TBC1D1: variants seen among roughly 807,000 people sequenced by gnomAD.
The protein encoded by TBC1D1 is TBC1 (tre-2/USP6, BUB2, cdc16) domain family, member 1.
TBC1D1 carries 89 observed loss-of-function variants against 125.6 expected under a neutral mutation model. That is an observed-to-expected ratio of 0.71 (90% CI 0.60 to 0.85). The LOEUF (loss-of-function observed/expected upper bound fraction) is 0.85, where lower values mean the gene tolerates loss of function less well. Ranked by LOEUF, TBC1D1 falls within the 40% of genes least tolerant of loss-of-function variation. The pLI, the probability that TBC1D1 is intolerant of heterozygous loss-of-function variation, is 0.00. For synonymous variants in TBC1D1, 565 were observed against 564.1 expected (o/e 1.00, Z -0.02); for missense variants, 1,377 against 1,469.2 (o/e 0.94, Z 1.03).
At chr4:38,101,472 C>T (rs550539885) in intron 14 of TBC1D1, among the ~76,000 whole-genome samples, 151 of 152,268 alleles carry the variant, frequency 9.9e-4, no homozygotes, top group African/African-American at 2.9e-3. Flanking sequence ...AAATAACATC[C>T]TTGACTTTAA....
chr4:38,108,644 C>T (rs1014400276), intron 15 of TBC1D1, among the ~76,000 whole-genome samples: 5 of 152,300 alleles, frequency 3.3e-5, no homozygotes, highest in Admixed American at 6.5e-5. Context: ...CCAGACTACA[C>T]GTGTGGGTCA....
chr4:37,918,416 C>A (rs1560475141), intron 2 of TBC1D1, among the ~76,000 whole-genome samples: 1 of 150,416 alleles, frequency 6.6e-6, no homozygotes, highest in African/African-American at 2.4e-5. Flanking sequence ...AGTGAACAAA[C>A]AAATGTGATC....
intron 2 of TBC1D1, among the ~76,000 whole-genome samples, chr4:38,000,510 G>C (rs1437172319): frequency 6.6e-6 from 1 of 152,154 alleles, no homozygotes. Context: ...TCATGTCGGT[G>C]CTCAAAAGTT....
At chr4:38,086,937 G>T (rs1560762729) in intron 12 of TBC1D1, among the ~76,000 whole-genome samples, 1 of 152,128 alleles carries the variant, frequency 6.6e-6, no homozygotes, top group Non-Finnish European at 1.5e-5. Context: ...TTACTTTGGA[G>T]GAAAATACAC....
intron 2 of TBC1D1, among the ~76,000 whole-genome samples, chr4:38,011,754 G>A (rs1468729329): frequency 6.6e-6 from 1 of 152,178 alleles, no homozygotes; most frequent in Non-Finnish European, 1.5e-5. Context: ...ACTAAAGTGT[G>A]TCTTTTTAAG....
At chr4:37,943,608 T>G (rs896533197) in intron 2 of TBC1D1, among the ~76,000 whole-genome samples, 1 of 152,350 alleles carries the variant, frequency 6.6e-6, no homozygotes, top group Non-Finnish European at 1.5e-5. Context: ...ACTGATATCC[T>G]TTCTTCCAGT....
At chr4:38,027,984 G>A in intron 7 of TBC1D1, 105 bp downstream of exon 7, 1 of 777,520 alleles carries the variant, frequency 1.3e-6, no homozygotes, top group Non-Finnish European at 2.0e-6. Flanking sequence ...CAACCTGGGG[G>A]AAGGTGCCTT....
chr4:37,948,211 C>T (rs976834488), intron 2 of TBC1D1, among the ~76,000 whole-genome samples: 1 of 152,156 alleles, frequency 6.6e-6, no homozygotes, highest in Non-Finnish European at 1.5e-5. Flanking sequence ...AGCAGCAAGG[C>T]GGACTGGAGG....
chr4:37,941,406 TTC>T (rs1370366112), intron 2 of TBC1D1, among the ~76,000 whole-genome samples: 30 of 152,322 alleles, frequency 2.0e-4, no homozygotes, highest in Non-Finnish European at 4.1e-4. Flanking sequence ...TATTTGATTC[TTC>T]TCTCTTTTCT....
chr4:38,004,495 C>CT (rs745964609), intron 2 of TBC1D1, among the ~76,000 whole-genome samples: 109 of 152,056 alleles, frequency 7.2e-4, no homozygotes, highest in Admixed American at 2.0e-3. Flanking sequence ...CTGAATATGC[C>CT]TTTTTTTTAA....
chr4:38,129,270 AG>A (rs1765176174), intron 18 of TBC1D1, among the ~76,000 whole-genome samples: 1 of 152,162 alleles, frequency 6.6e-6, no homozygotes, highest in Non-Finnish European at 1.5e-5. Flanking sequence ...ACCTCAAATC[AG>A]GGGCAAAGGT....
intron 2 of TBC1D1, among the ~76,000 whole-genome samples, chr4:37,931,541 G>A (rs932786365): frequency 3.3e-5 from 5 of 151,266 alleles, no homozygotes; most frequent in Non-Finnish European, 7.4e-5. Context: ...ACAGTGGTGC[G>A]ATCTCAGCTC....
intron 2 of TBC1D1, among the ~76,000 whole-genome samples, chr4:37,925,449 G>A (rs933264460): frequency 1.3e-5 from 2 of 152,246 alleles, no homozygotes; most frequent in African/African-American, 2.4e-5. Context: ...TGGTTGTGGT[G>A]GCTTACGCCT....
intron 17 of TBC1D1, among the ~76,000 whole-genome samples, chr4:38,118,976 A>G (rs963138323): frequency 4.6e-5 from 7 of 152,228 alleles, no homozygotes; most frequent in African/African-American, 9.6e-5. Flanking sequence ...TGTTGTGAGC[A>G]TGGTCAGTTC....
chr4:37,977,843 A>T lies in TBC1D1; in HGVS notation c.418-36666A>T, dbSNP rs1733530818. Among the ~76,000 whole-genome samples the T allele has an allele frequency of 6.6e-6, 1 of 151,978 alleles. No homozygotes were observed. Among genetic ancestry groups the T allele is most frequent in the Admixed American group, 6.5e-5 (1 of 15,276 alleles). ...GCCCCTGTCGCTCCCCGCGCCGCGG[A>T]GCTGCCGCTCGGTGCCTCCCCGGCG... On this transcript the variant is annotated intron_variant, in intron 2 of 19. Transcript: ENST00000261439. This position sits in a 1 kb window ranked among gnomAD's most constrained non-coding sequence, Gnocchi z 4.3.
intron 2 of TBC1D1, among the ~76,000 whole-genome samples, chr4:37,959,245 C>T (rs11096916): frequency 0.62 from 93,868 of 151,636 alleles, 29,799 homozygotes; most frequent in East Asian, 0.96. Flanking sequence ...GATAGTCTTC[C>T]GTTGACCTCA....
intron 12 of TBC1D1, among the ~76,000 whole-genome samples, chr4:38,068,281 A>G (rs1252524761): frequency 6.6e-6 from 1 of 152,202 alleles, no homozygotes; most frequent in Non-Finnish European, 1.5e-5. Flanking sequence ...CACCAGAGGC[A>G]GGAAGGTAGT....
At chr4:37,994,298 G>T (rs1459243004) in intron 2 of TBC1D1, among the ~76,000 whole-genome samples, 2 of 152,066 alleles carry the variant, frequency 1.3e-5, no homozygotes, top group South Asian at 4.1e-4. Flanking sequence ...TTGTTTTTTT[G>T]TTTGTTTTTT....
chr4:38,136,944 A>T (rs568339052), intron 19 of TBC1D1, among the ~76,000 whole-genome samples, 191 bp from the exon 22 acceptor site: 13 of 152,032 alleles, frequency 8.6e-5, no homozygotes, highest in Non-Finnish European at 1.3e-4. Context: ...GGTGCTTTTA[A>T]GGGCCTGGCC....
Sources: gnomAD v4.1 joint callset for allele counts (sites outside exome capture counted in the v4.1 genomes callset) on GRCh38, gnomAD v4.1.1 for gene constraint, Gnocchi (gnomAD v3.1) non-coding constraint, MANE v1.5 for transcripts, NCBI Gene and HGNC (gene_info 2026-07-23, HGNC 2026-07-21) for gene names.